Variants in ACAP2 observed in about 807,000 individuals in gnomAD.
The protein encoded by ACAP2 is ArfGAP with coiled-coil, ankyrin repeat and PH domains 2.
ACAP2 carries 39 observed loss-of-function variants against 115.8 expected under a neutral mutation model. The observed-to-expected ratio is 0.34, with a 90% CI of 0.26 to 0.44. The LOEUF (loss-of-function observed/expected upper bound fraction) is 0.44. Ranked by LOEUF, ACAP2 falls within the 20% of genes least tolerant of loss-of-function variation. ACAP2 has a pLI of 1.00. For synonymous variants in ACAP2, 289 were observed against 315.8 expected, an observed-to-expected ratio of 0.92 and a Z score of 0.90; for missense variants, 662 against 927.6, an observed-to-expected ratio of 0.71 and a Z score of 3.72.
intron 4 of ACAP2, among the ~76,000 whole-genome samples, chr3:195,347,429 A>G (rs1731256218): frequency 6.6e-6 from 1 of 152,200 alleles, no homozygotes; most frequent in Non-Finnish European, 1.5e-5. Context: ...AAGCAAAAGA[A>G]GTCACACATA....
intron 18 of ACAP2, among the ~76,000 whole-genome samples, chr3:195,294,299 G>C (rs931194137): frequency 1.3e-5 from 2 of 151,426 alleles, no homozygotes; most frequent in Admixed American, 1.3e-4. Context: ...ATTTAATCAA[G>C]AGTAGGGCCG....
intron 10 of ACAP2, among the ~76,000 whole-genome samples, chr3:195,309,100 G>C (rs1255057879): frequency 2.6e-5 from 4 of 152,150 alleles, no homozygotes; most frequent in African/African-American, 9.7e-5. Context: ...CCTAACAAAA[G>C]CAGTTATCCT....
chr3:195,308,769 CATTT>C lies in ACAP2; in HGVS notation c.909+13_909+16del. 1 of 1,604,208 alleles carries C rather than the reference CATTT, an allele frequency of 6.2e-7. No individual in the cohort carries two copies. The highest frequency in any genetic ancestry group is 8.5e-7 in the Non-Finnish European group (1 of 1,174,054). On this transcript the variant is annotated intron_variant, in intron 11 of 22. Transcript: ENST00000326793. The stretch of plus-strand genomic sequence containing the variant: ...TGAAACTGGTAACTCACTGGGGTTT[CATTT>C]ATTAACACCTACCTTAAATTTTTTC...
At chr3:195,387,282 A>G (rs1256241749) in intron 2 of ACAP2, among the ~76,000 whole-genome samples, 1 of 152,200 alleles carries the variant, frequency 6.6e-6, no homozygotes, top group African/African-American at 2.4e-5. Flanking sequence ...TTATCAAACT[A>G]ATATCCCTAA....
chr3:195,292,492 T>G, intron 18 of ACAP2, 40 bp from the exon 19 acceptor site: 46 of 1,507,664 alleles, frequency 3.1e-5, no homozygotes, highest in Middle Eastern at 1.8e-4. Context: ...AAATGAGCTC[T>G]TGGCAGAAAA....
chr3:195,335,938 T>C (rs1442036351), intron 7 of ACAP2: 1 of 146,500 alleles, frequency 6.8e-6, no homozygotes, highest in Non-Finnish European at 1.5e-5. Context: ...TTCACTCTTG[T>C]CACCTAGGCT....
chr3:195,396,247 A>G (rs140700679), intron 1 of ACAP2, among the ~76,000 whole-genome samples: 10 of 151,720 alleles, frequency 6.6e-5, no homozygotes, highest in Admixed American at 5.9e-4. Flanking sequence ...GCAAAACTCC[A>G]TCTCAAAAAA....
chr3:195,386,173 T>C (rs955950064), intron 2 of ACAP2, among the ~76,000 whole-genome samples: 2 of 152,192 alleles, frequency 1.3e-5, no homozygotes, highest in Non-Finnish European at 2.9e-5. Context: ...TTATTTGAAA[T>C]GTTCAGAATA....
At chr3:195,369,209 C>T (rs550843503) in intron 4 of ACAP2, among the ~76,000 whole-genome samples, 4 of 151,860 alleles carry the variant, frequency 2.6e-5, no homozygotes, top group Non-Finnish European at 5.9e-5. Flanking sequence ...TCTGATCATA[C>T]GTAATATTTA....
intron 8 of ACAP2, 150 bp downstream of exon 8, chr3:195,332,878 T>C: frequency 1.9e-6 from 1 of 517,328 alleles, no homozygotes; most frequent in Non-Finnish European, 3.4e-6. Context: ...GTGAGTCAAT[T>C]AAACCTCTTT....
intron 8 of ACAP2, among the ~76,000 whole-genome samples, chr3:195,328,914 C>T (rs1408819933): frequency 6.6e-6 from 1 of 152,002 alleles, no homozygotes; most frequent in Non-Finnish European, 1.5e-5. Context: ...CGTGCCTCTA[C>T]TAAAAATACA....
intron 10 of ACAP2, among the ~76,000 whole-genome samples, chr3:195,313,879 G>T (rs1332306614): frequency 6.6e-6 from 1 of 152,088 alleles, no homozygotes; most frequent in Non-Finnish European, 1.5e-5. Context: ...GAGCCTGAAA[G>T]GAAGCTGCCA....
chr3:195,349,843 A>G lies in ACAP2; in HGVS notation c.286-4526T>C, dbSNP rs915660856. On this transcript the variant is annotated intron_variant, in intron 4 of 22. Transcript: ENST00000326793. ...GGAGATGGGAATTCTAGATGTGCGC[A>G]TTGACACCAGGCAAAACAAAGCTGT... 6 of 358,502 alleles carry G rather than the reference A, an allele frequency of 1.7e-5. No individual in the cohort carries two copies. In the Admixed American group the frequency reaches 1.9e-4, roughly 11 times the overall value. The allele number at this position is 358,502 out of a possible 1,614,324, so 22.2% of individuals were successfully genotyped here.
chr3:195,438,811 G>A (rs1020358964), intron 1 of ACAP2, among the ~76,000 whole-genome samples: 16 of 152,334 alleles, frequency 1.1e-4, no homozygotes, highest in Non-Finnish European at 1.9e-4. Flanking sequence ...TGTAATCCCA[G>A]CACTTTGGGA....
intron 9 of ACAP2, among the ~76,000 whole-genome samples, chr3:195,325,005 G>A (rs559640664): frequency 2.0e-5 from 3 of 152,172 alleles, no homozygotes; most frequent in South Asian, 2.1e-4. Context: ...ATATGCAAAA[G>A]ACCAATAGAT....
intron 15 of ACAP2, among the ~76,000 whole-genome samples, chr3:195,300,808 G>C (rs924163600): frequency 6.6e-6 from 1 of 152,190 alleles, no homozygotes; most frequent in Non-Finnish European, 1.5e-5. Flanking sequence ...CTTGAGCCCA[G>C]GAGTACAAGG....
chr3:195,425,616 C>A (rs1714625162), intron 1 of ACAP2, among the ~76,000 whole-genome samples: 1 of 152,130 alleles, frequency 6.6e-6, no homozygotes, highest in Non-Finnish European at 1.5e-5. Context: ...AATGCCAGCC[C>A]TATTTAACAA....
chr3:195,427,400 A>G (rs1714764589), intron 1 of ACAP2, among the ~76,000 whole-genome samples: 3 of 151,994 alleles, frequency 2.0e-5, no homozygotes, highest in Admixed American at 2.0e-4. Context: ...CTAGTCATCC[A>G]TCATTTAACA....
chr3:195,400,133 G>A (rs919404552), intron 1 of ACAP2, among the ~76,000 whole-genome samples: 1 of 151,000 alleles, frequency 6.6e-6, no homozygotes, highest in Non-Finnish European at 1.5e-5. Context: ...AGCCAAGATC[G>A]CACCATTGCA....
Sources: gnomAD v4.1 joint callset for allele counts (sites outside exome capture counted in the v4.1 genomes callset) on GRCh38, gnomAD v4.1.1 for gene constraint, MANE v1.5 for transcripts, NCBI Gene and HGNC (gene_info 2026-07-23, HGNC 2026-07-21) for gene names.